Variants in CHN2 observed in about 807,000 individuals in gnomAD.
The protein encoded by CHN2 is beta-chimaerin.
Under a neutral mutation model 56.3 loss-of-function variants are expected in CHN2, and 35 were observed. That is an observed-to-expected ratio of 0.62 (90% confidence interval 0.47 to 0.82). The LOEUF is 0.82. Among genes scored for constraint, CHN2 ranks in the 40% least tolerant of loss-of-function variants. The probability of loss-of-function intolerance (pLI) is 0.00; values close to 1 mark genes in which losing one functional copy is unlikely to be tolerated. For synonymous variants in CHN2, 210 were observed against 212.8 expected, an observed-to-expected ratio of 0.99 and a Z score of 0.12; for missense variants, 491 against 580.5, an observed-to-expected ratio of 0.85 and a Z score of 1.58.
rs531520434 is a variant in CHN2 at position 29,377,267 on chromosome 7, A to G, written c.144+9280A>G. 5.3e-5 allele frequency among the ~76,000 whole-genome samples: 8 copies of G among 152,284 alleles called. No homozygotes were observed. The South Asian group carries it at 1.4e-3, about 28-fold the overall frequency. Reference sequence around the variant, plus strand: ...TCAAACTCCTTACATCAGGTGATCCATCTGCCTCAGCCTCCCAGAATGCTG... The same window carrying G: ...TCAAACTCCTTACATCAGGTGATCCGTCTGCCTCAGCCTCCCAGAATGCTG... On this transcript the variant is annotated intron_variant, in intron 3 of 12. Coordinates refer to ENST00000222792, the MANE Select transcript of CHN2 (RefSeq NM_004067.4).
chr7:29,504,315 T>TCATATACCCCATAAATATATACA (rs1790313773), intron 9 of CHN2, among the ~76,000 whole-genome samples: 1 of 152,154 alleles, frequency 6.6e-6, no homozygotes, highest in Admixed American at 6.5e-5. Flanking sequence ...TCAAAATATC[T>TCATATACCCCATAAATATATACA]CATATACCCC....
rs10633708 is a variant in CHN2, at chr7:29,504,721, GTC to G, written c.914-7_914-6del. ...TAGATGTTTCAAGAAGCTAAAGTCA[GTC>G]TCTCTCTCTCTCTCTAACAGGATTA... On this transcript the variant is annotated intron_variant, in intron 9 of 12. Transcript: ENST00000222792. 8.7e-3 allele frequency: 10,121 copies of G among 1,166,832 alleles called. No individual in the cohort carries two copies. Among genetic ancestry groups the G allele is most frequent in the South Asian group, 0.01 (639 of 63,892 alleles). 72.3% of individuals were successfully genotyped at this position (1,166,832 alleles called of 1,614,324 possible).
At chr7:29,185,836 A>G (rs908083419) in intron 2 of CHN2, among the ~76,000 whole-genome samples, 2 of 152,126 alleles carry the variant, frequency 1.3e-5, no homozygotes, top group Non-Finnish European at 2.9e-5. Context: ...GTGAATCTGC[A>G]TTTTAGCAAG....
chr7:29,359,123 G>C lies in CHN2; in HGVS notation c.88+4460G>C, dbSNP rs1271239034. On this transcript the variant is annotated intron_variant, in intron 2 of 12. Transcript: ENST00000222792. ...TTGAGTCTCAGTCTTAATTGACCTG[G>C]GTTACCCATTCCTGACTCTATCACT... 4.6e-5 allele frequency among the ~76,000 whole-genome samples: 7 copies of C among 152,210 alleles called. No individual in the cohort carries two copies. In the South Asian group the frequency reaches 1.5e-3, roughly 32 times the overall value.
chr7:29,351,988 G>A (rs1797919511), intron 1 of CHN2, among the ~76,000 whole-genome samples: 1 of 152,162 alleles, frequency 6.6e-6, no homozygotes, highest in Non-Finnish European at 1.5e-5. Context: ...GCCTAAAGGA[G>A]TGTTAATTTA....
intron 2 of CHN2, among the ~76,000 whole-genome samples, chr7:29,171,695 C>A (rs1225119503): frequency 6.6e-6 from 1 of 152,108 alleles, no homozygotes; most frequent in Non-Finnish European, 1.5e-5. Context: ...CAGGCTAAAT[C>A]CAAGCATATG....
At chr7:29,442,762 C>T (rs183777884) in intron 6 of CHN2, among the ~76,000 whole-genome samples, 4 of 152,144 alleles carry the variant, frequency 2.6e-5, no homozygotes, top group South Asian at 2.1e-4. Flanking sequence ...TCCTAACTAC[C>T]GCTAAAGTAA....
upstream of CHN2, among the ~76,000 whole-genome samples, chr7:29,191,173 C>G (rs1782848431): frequency 6.6e-6 from 1 of 152,138 alleles, no homozygotes; most frequent in South Asian, 2.1e-4. Flanking sequence ...CTCAAGGGAT[C>G]CTCCCACCTC....
intron 1 of CHN2, among the ~76,000 whole-genome samples, chr7:29,205,302 A>C (rs1196941480): frequency 6.6e-6 from 1 of 152,172 alleles, no homozygotes; most frequent in African/African-American, 2.4e-5. Flanking sequence ...TTCATGAATT[A>C]ATGTGGGTTC....
At chr7:29,185,036 G>A (rs1798542564) in intron 2 of CHN2, among the ~76,000 whole-genome samples, 1 of 152,132 alleles carries the variant, frequency 6.6e-6, no homozygotes, top group Admixed American at 6.5e-5. Context: ...TCCAAGCTGA[G>A]GGTTTTATTT....
At chr7:29,395,299 G>C (rs1019100058) in intron 4 of CHN2, among the ~76,000 whole-genome samples, 14 of 152,220 alleles carry the variant, frequency 9.2e-5, no homozygotes, top group African/African-American at 3.4e-4. Flanking sequence ...AGGGAAGGCA[G>C]ATCACTTGTG....
chr7:29,456,644 C>T (rs1376999099), intron 6 of CHN2, among the ~76,000 whole-genome samples: 1 of 147,008 alleles, frequency 6.8e-6, no homozygotes, highest in Non-Finnish European at 1.5e-5. Flanking sequence ...CAACACCCCT[C>T]TTCTCGCCAT....
At chr7:29,433,396 T>G (rs991365473) in intron 6 of CHN2, among the ~76,000 whole-genome samples, 1 of 152,230 alleles carries the variant, frequency 6.6e-6, no homozygotes, top group African/African-American at 2.4e-5. Flanking sequence ...GAAGTACCAG[T>G]GTATTTTCCT....
chr7:29,211,458 A>G (rs1020346365), intron 1 of CHN2, among the ~76,000 whole-genome samples: 9 of 144,494 alleles, frequency 6.2e-5, no homozygotes, highest in African/African-American at 2.5e-4. Flanking sequence ...TGGCACACAC[A>G]CACACACACA....
At chr7:29,224,295 G>A (rs1786029551) in intron 1 of CHN2, among the ~76,000 whole-genome samples, 1 of 152,148 alleles carries the variant, frequency 6.6e-6, no homozygotes, top group South Asian at 2.1e-4. Flanking sequence ...GATACTCTGT[G>A]TAAACACAGT....
intron 1 of CHN2, among the ~76,000 whole-genome samples, chr7:29,274,570 G>A (rs1294709767): frequency 1.3e-5 from 2 of 152,156 alleles, no homozygotes; most frequent in Non-Finnish European, 2.9e-5. Flanking sequence ...AGCGAAATAA[G>A]CATGAATGGA....
At chr7:29,502,998 A>T (rs1790143959) in intron 9 of CHN2, among the ~76,000 whole-genome samples, 1 of 152,138 alleles carries the variant, frequency 6.6e-6, no homozygotes, top group Non-Finnish European at 1.5e-5. Context: ...GAACAAAAGC[A>T]TGGATTTTTC....
chr7:29,299,494 C>T (rs186878629), intron 1 of CHN2, among the ~76,000 whole-genome samples: 1 of 152,146 alleles, frequency 6.6e-6, no homozygotes, highest in East Asian at 1.9e-4. Context: ...TCACTGTATC[C>T]AGCAACACCG....
intron 7 of CHN2, among the ~76,000 whole-genome samples, chr7:29,483,188 A>G (rs1787533452): frequency 6.6e-6 from 1 of 151,988 alleles, no homozygotes; most frequent in Non-Finnish European, 1.5e-5. Context: ...TTCTTACCCC[A>G]TAACAAGATT....
Sources: allele counts gnomAD v4.1 joint callset (sites outside exome capture counted in the v4.1 genomes callset), GRCh38; gene constraint gnomAD v4.1.1; transcripts MANE v1.5; gene names NCBI Gene and HGNC (gene_info 2026-07-23, HGNC 2026-07-21).